DOCK10: variants seen among roughly 807,000 people sequenced by gnomAD.
DOCK10 encodes dedicator of cytokinesis protein 10.
DOCK10 carries 145 observed loss-of-function variants against 280.1 expected under a neutral mutation model. The observed-to-expected ratio is 0.52, with a 90% CI of 0.45 to 0.59. The LOEUF (loss-of-function observed/expected upper bound fraction) is 0.59, where lower values mean the gene tolerates loss of function less well. Ranked by LOEUF, DOCK10 falls within the 20% of genes least tolerant of loss-of-function variation. DOCK10 has a pLI of 0.00. For missense variants in DOCK10, 2,368 were observed against 2,651.7 expected, an observed-to-expected ratio of 0.89 and a Z score of 2.35; for synonymous variants, 915 against 942.2, an observed-to-expected ratio of 0.97 and a Z score of 0.53.
chr2:224,882,782 C>T (rs1699050552), intron 7 of DOCK10, among the ~76,000 whole-genome samples: 1 of 152,166 alleles, frequency 6.6e-6, no homozygotes, highest in South Asian at 2.1e-4. Flanking sequence ...TTTGTGTGTA[C>T]ATGATTCATC....
chr2:225,009,612 A>G (rs894625094), intron 1 of DOCK10, among the ~76,000 whole-genome samples: 1 of 151,400 alleles, frequency 6.6e-6, no homozygotes, highest in Non-Finnish European at 1.5e-5. Flanking sequence ...AGTTGAAGGG[A>G]ACAATGACAA....
rs1690386632 is a variant in DOCK10, at chr2:224,770,793, C to T, written c.6205-148G>A. The T allele has an allele frequency of 3.2e-6, 2 of 617,696 alleles. No homozygotes were observed. Among genetic ancestry groups the T allele is most frequent in the South Asian group, 2.0e-5 (1 of 49,326 alleles). 38.3% of individuals were successfully genotyped at this position (617,696 alleles called of 1,614,324 possible). A position where few individuals can be genotyped will look rare whatever the true frequency, so the allele number is the denominator to read the frequency against. ...CCACTCATTTGTATACCTGACTTAG[C>T]TGCTGTCCTCCAACTTGTCAATAGA... On this transcript the variant is annotated intron_variant, in intron 53 of 55. Coordinates refer to ENST00000258390, the MANE Select transcript of DOCK10 (RefSeq NM_014689.3). The surrounding 1 kb of genome is among the most constrained non-coding windows in gnomAD (Gnocchi z 4.5).
Position 224,989,897 on chromosome 2 carries a change from A to G in DOCK10, c.123+52355T>C, listed in dbSNP as rs536167929. Among the ~76,000 whole-genome samples the G allele has an allele frequency of 1.6e-4, 24 of 152,168 alleles. No individual in the cohort carries two copies. The South Asian group carries it at 1.9e-3, about 12-fold the overall frequency. ...CTCTTTTTATCCCCCGACAACTGTG[A>G]TTTCTAGAGACCTTTTCCTTCGGTT... On this transcript the variant is annotated intron_variant, in intron 1 of 55. Coordinates refer to ENST00000258390, the MANE Select transcript of DOCK10 (RefSeq NM_014689.3).
At chr2:224,903,054 C>T (rs1178213272) in intron 3 of DOCK10, among the ~76,000 whole-genome samples, 2 of 152,154 alleles carry the variant, frequency 1.3e-5, no homozygotes, top group Admixed American at 6.5e-5. Flanking sequence ...GCCGAGATTG[C>T]GCCACTGCTC....
chr2:224,916,590 T>C, intron 3 of DOCK10, 105 bp downstream of exon 3: 1 of 700,600 alleles, frequency 1.4e-6, no homozygotes, highest in Non-Finnish European at 2.3e-6. Context: ...ATATTTGGAA[T>C]TATCTATTGA....
intron 22 of DOCK10, among the ~76,000 whole-genome samples, chr2:224,843,615 TG>T (rs1424359188): frequency 6.6e-6 from 1 of 152,170 alleles, no homozygotes; most frequent in Non-Finnish European, 1.5e-5. Context: ...ATTTTTCTTA[TG>T]GATCAAGTAT....
intron 7 of DOCK10, among the ~76,000 whole-genome samples, chr2:224,880,941 T>C (rs1195935164): frequency 6.6e-6 from 1 of 152,200 alleles, no homozygotes; most frequent in Non-Finnish European, 1.5e-5. Flanking sequence ...CTCTCCACTC[T>C]CTGTAGGTTT....
At chr2:224,821,056 C>G (rs1315606348) in intron 28 of DOCK10, among the ~76,000 whole-genome samples, 1 of 152,190 alleles carries the variant, frequency 6.6e-6, no homozygotes. Context: ...ACAAAAGCTG[C>G]AATCATTTGA....
At chr2:224,975,899 C>A (rs1375831956) in intron 1 of DOCK10, among the ~76,000 whole-genome samples, 1 of 152,156 alleles carries the variant, frequency 6.6e-6, no homozygotes, top group Non-Finnish European at 1.5e-5. Flanking sequence ...TGATAACACC[C>A]TCACTGGCCT....
At chr2:224,889,812 T>A (rs1699552387) in intron 4 of DOCK10, among the ~76,000 whole-genome samples, 1 of 152,218 alleles carries the variant, frequency 6.6e-6, no homozygotes, top group Non-Finnish European at 1.5e-5. Context: ...CCTTTTAATT[T>A]GATTGGCAAA....
chr2:225,035,542 T>TGATATATATATATATATATA (rs1415059109), intron 1 of DOCK10, among the ~76,000 whole-genome samples: 1 of 50,030 alleles, frequency 2.0e-5, no homozygotes, highest in African/African-American at 7.5e-5. Context: ...ATGATATATA[T>TGATATATATATATATATATA]TATATATATA....
At chr2:224,892,751 G>A (rs1483867567) in intron 4 of DOCK10, among the ~76,000 whole-genome samples, 1 of 152,246 alleles carries the variant, frequency 6.6e-6, no homozygotes, top group Non-Finnish European at 1.5e-5. Context: ...CTTGGGCAGG[G>A]AAGGCAGACA....
Position 225,042,296 on chromosome 2 carries a change from C to T in DOCK10, c.79G>A (p.Ala27Thr), listed in dbSNP as rs1232698753. 12 of 1,347,208 alleles carry T rather than the reference C, an allele frequency of 8.9e-6. No individual in the cohort carries two copies. The highest frequency in any genetic ancestry group is 1.9e-5 in the South Asian group (1 of 53,984). The allele number at this position is 1,347,208 out of a possible 1,614,324, so 83.5% of individuals were successfully genotyped here. A position where few individuals can be genotyped will look rare whatever the true frequency, so the allele number is the denominator to read the frequency against. Residue 27 changes from alanine (A) to threonine (T), a missense_variant, in exon 1 of 56, where the codon GCG (alanine) becomes ACG (threonine). By Grantham distance (58) the Ala-to-Thr change is moderately conservative. Around this residue, in one of 2 missense-constraint regions of DOCK10, gnomAD observed 1,209 missense variants for 1,250.9 expected, o/e 0.97. Transcript: ENST00000258390. The surrounding 1 kb of genome is among the most constrained non-coding windows in gnomAD (Gnocchi z 5.1). ...GQAAELRHSA[A>T]SAAAVAVSSR... ...CTGACTGCCACCGCGGCGGCGGACG[C>T]GGCGCTGTGCCGGAGCTCGGCCGCC...
At chr2:224,961,404 C>CT (rs1234738327) in intron 1 of DOCK10, among the ~76,000 whole-genome samples, 1 of 110,996 alleles carries the variant, frequency 9.0e-6, no homozygotes, top group Non-Finnish European at 1.9e-5. Flanking sequence ...CATTTTCTTT[C>CT]TTTCTTTCTC....
In DOCK10 at chr2:225,035,542, T is replaced by TTATATATATA. The variant is rs57424275; in HGVS notation, c.123+6700_123+6709dup. Among the ~76,000 whole-genome samples, 72 of 49,992 alleles carry TTATATATATA rather than the reference T, an allele frequency of 1.4e-3. 2 individuals carry two copies. Among genetic ancestry groups the TTATATATATA allele is most frequent in the East Asian group, 3.4e-3 (6 of 1,766 alleles). The allele number at this position is 49,992 out of a possible 152,430, so 32.8% of individuals were successfully genotyped here. On this transcript the variant is annotated intron_variant, in intron 1 of 55. Transcript: ENST00000258390. ...TAGATCTTATATGATATGATATATA[T>TTATATATATA]TATATATATATATATATATATATAT...
intron 51 of DOCK10, among the ~76,000 whole-genome samples, chr2:224,775,732 C>T (rs184079634): frequency 6.6e-6 from 1 of 152,292 alleles, no homozygotes; most frequent in African/African-American, 2.4e-5. Flanking sequence ...CTCTTGGCCT[C>T]CCAAAGTGCT....
intron 50 of DOCK10, among the ~76,000 whole-genome samples, chr2:224,785,055 C>A (rs927273401): frequency 1.3e-5 from 2 of 150,208 alleles, no homozygotes; most frequent in Non-Finnish European, 3.0e-5. Flanking sequence ...CCTTTCAATT[C>A]TTCTGCTCCC....
In DOCK10 at chr2:225,012,583, C is replaced by T. The variant is rs570873300; in HGVS notation, c.123+29669G>A. ...AAATTGTAGTGCCAATAGAAATTGGCTTCTCCATCAGATAGTCCAAAAGAG... is the reference window on the plus strand; with the variant it reads ...AAATTGTAGTGCCAATAGAAATTGGTTTCTCCATCAGATAGTCCAAAAGAG... On this transcript the variant is annotated intron_variant, in intron 1 of 55. Coordinates refer to ENST00000258390, the MANE Select transcript of DOCK10 (RefSeq NM_014689.3). Among the ~76,000 whole-genome samples the T allele has an allele frequency of 7.2e-5, 11 of 152,290 alleles. No individual in the cohort carries two copies. The East Asian group carries it at 2.1e-3, about 29-fold the overall frequency.
chr2:225,006,448 A>G (rs1689254223), intron 1 of DOCK10, among the ~76,000 whole-genome samples: 2 of 152,174 alleles, frequency 1.3e-5, no homozygotes, highest in Non-Finnish European at 2.9e-5. Flanking sequence ...TTAAATGTCG[A>G]CATACCTCCC....
Sources: gnomAD v4.1 joint callset for allele counts (sites outside exome capture counted in the v4.1 genomes callset) on GRCh38, gnomAD v4.1.1 for gene constraint, gnomAD v4.1.1 regional missense constraint, Gnocchi (gnomAD v3.1) non-coding constraint, MANE v1.5 for transcripts, NCBI Gene and HGNC (gene_info 2026-07-23, HGNC 2026-07-21) for gene names.